The following EFS variants were observed in gnomAD, a reference collection of about 807,000 sequenced individuals.
EFS encodes the protein Cas scaffolding protein family member 3.
Under a neutral mutation model 42.2 loss-of-function variants are expected in EFS, and 34 were observed. The observed-to-expected ratio is 0.81, with a 90% CI of 0.61 to 1.07. The LOEUF (loss-of-function observed/expected upper bound fraction) is 1.07, where lower values mean the gene tolerates loss of function less well. Ranked by LOEUF, EFS falls within the 50% of genes least tolerant of loss-of-function variation. The pLI is 0.00. For synonymous variants in EFS, 299 were observed against 320.7 expected, an observed-to-expected ratio of 0.93 and a Z score of 0.72; for missense variants, 717 against 729.4, an observed-to-expected ratio of 0.98 and a Z score of 0.20.
In EFS at chr14:23,357,557, G is replaced by A. The variant is rs577948068; in HGVS notation, c.1355C>T (p.Ala452Val). The A allele has an allele frequency of 2.5e-6, 4 of 1,611,544 alleles. No individual in the cohort carries two copies. The highest frequency in any genetic ancestry group is 3.4e-6 in the Non-Finnish European group (4 of 1,178,280). ...QCQSHYSALQ[A>V]AVAALMSSTQ... ...ACTGGACATCAGGGCTGCCACGGCT[G>A]CCTGCAGGGCTGAGTAGTGGCTCTG... Residue 452 changes from alanine to valine, a missense_variant, in exon 6 of 6, where the codon GCA becomes GTA. By Grantham distance (64) the Ala-to-Val change is moderately conservative (BLOSUM62 0). Coordinates refer to ENST00000216733, the MANE Select transcript of EFS (RefSeq NM_005864.4).
chr14:23,359,595 G>C lies in EFS; in HGVS notation c.883C>G (p.Arg295Gly). ...ARSPPPPHRPRLPSAESLSRR... is the reference protein window; with the variant it reads ...ARSPPPPHRPGLPSAESLSRR... ...GACAGGCTCTCAGCTGAGGGGAGCC[G>C]GGGCCTGTGTGGGGGTGGGGGGCTT... The change falls in exon 4 of 6, where the codon CGG (arginine) becomes GGG (glycine). Residue 295 changes from arginine (R) to glycine (G), a missense_variant. By Grantham distance (125) the Arg-to-Gly change is moderately radical (BLOSUM62 -2). Coordinates refer to ENST00000216733, the MANE Select transcript of EFS (RefSeq NM_005864.4). 1 of 1,494,896 alleles carries C rather than the reference G, an allele frequency of 6.7e-7. No homozygotes were observed. Among genetic ancestry groups the C allele is most frequent in the Non-Finnish European group, 8.9e-7 (1 of 1,126,490 alleles). The allele number at this position is 1,494,896 out of a possible 1,614,324, so 92.6% of individuals were successfully genotyped here.
chr14:23,360,929 C>G (rs992596065), intron 1 of EFS, 96 bp from the exon 2 acceptor site: 2 of 1,302,222 alleles, frequency 1.5e-6, no homozygotes, highest in African/African-American at 3.1e-5. Context: ...GCATTTCCCT[C>G]AAGCTAAAAA....
At chr14:23,363,039 G>A (rs900716452) in intron 1 of EFS, among the ~76,000 whole-genome samples, 4 of 151,324 alleles carry the variant, frequency 2.6e-5, no homozygotes, top group African/African-American at 7.3e-5. Flanking sequence ...TCAGCCTCCC[G>A]AGTAGCTGGG....
At position 23,358,959 on chromosome 14, in the gene EFS, C is replaced by T; in HGVS notation, c.1168G>A (p.Asp390Asn). ...EYDYVHLKGM[D>N]KAQGSRPPDQ... is the part of the protein sequence containing the mutation. ...GGGGGCCTAGATCCCTGAGCTTTGT[C>T]CATGCCCTGCAGGAGGGGATCAGGT... The change falls in exon 5 of 6, where the codon GAC becomes AAC. Residue 390 changes from aspartate (D) to asparagine (N), a missense_variant. Physicochemically the swap from Asp to Asn is conservative, Grantham distance 23. Coordinates refer to ENST00000216733, the MANE Select transcript of EFS (RefSeq NM_005864.4). 6.2e-7 allele frequency: 1 copy of T among 1,610,908 alleles called. No individual in the cohort carries two copies. The highest frequency in any genetic ancestry group is 8.5e-7 in the Non-Finnish European group (1 of 1,178,494).
chr14:23,359,495 C>A lies in EFS; in HGVS notation c.983G>T (p.Arg328Leu). ...AGGCCGGTCCTGGATGCTGCCCTTC[C>A]GGCCTGGGGCAGGAGAGGGCACTGG... ...PSPVPSPAPG[R>L]KGSIQDRPLP... Residue 328 changes from arginine (R) to leucine (L), a missense_variant, in exon 4 of 6, where the codon CGG (arginine) becomes CTG (leucine). Transcript: ENST00000216733. The A allele has an allele frequency of 6.7e-7, 1 of 1,500,944 alleles. No homozygotes were observed. The highest frequency in any genetic ancestry group is 1.2e-5 in the South Asian group (1 of 83,242). 93.0% of individuals were successfully genotyped at this position (1,500,944 alleles called of 1,614,324 possible).
In EFS at chr14:23,359,944, C is replaced by T. The variant is rs115947674; in HGVS notation, c.534G>A (p.Pro178=). ...SFSHPLTRVA[P]QPPGEDDAPY... ...GAGCATCATCCTCTCCAGGGGGCTG[C>T]GGGGCAACCCGGGTCAGAGGGTGGG... The change falls in exon 4 of 6, where the codon CCG becomes CCA. Residue 178 remains proline (P), a synonymous_variant. Coordinates refer to ENST00000216733, the MANE Select transcript of EFS (RefSeq NM_005864.4). 3.8e-5 allele frequency: 60 copies of T among 1,562,594 alleles called. 1 individual carries two copies. In the Middle Eastern group the frequency reaches 5.2e-4, roughly 13 times the overall value.
chr14:23,358,012 C>A (rs1197167198), intron 5 of EFS, among the ~76,000 whole-genome samples: 1 of 151,188 alleles, frequency 6.6e-6, no homozygotes, highest in East Asian at 1.9e-4. Flanking sequence ...AAAAAAAAAA[C>A]AAAACCCTAA....
In EFS at chr14:23,365,056, G is replaced by A; in HGVS notation, c.-31C>T. ...TGGCCTCCCGCGCAGCCTGCCTCAG[G>A]CCAGGCTCGGTTTTGCTGACTTCAG... On this transcript the variant is annotated 5_prime_UTR_variant, in exon 1 of 6. Coordinates refer to ENST00000216733, the MANE Select transcript of EFS (RefSeq NM_005864.4). The surrounding 1 kb of genome is among the most constrained non-coding windows in gnomAD (Gnocchi z 5.3). 2.3e-6 allele frequency: 3 copies of A among 1,300,074 alleles called. No individual in the cohort carries two copies. Among genetic ancestry groups the A allele is most frequent in the Non-Finnish European group, 2.0e-6 (2 of 1,014,388 alleles). 80.5% of individuals were successfully genotyped at this position (1,300,074 alleles called of 1,614,324 possible). A position where few individuals can be genotyped will look rare whatever the true frequency, so the allele number is the denominator to read the frequency against.
At chr14:23,359,047 G>C (rs1385515783) in intron 4 of EFS, 82 bp from the exon 5 acceptor site, 1 of 1,312,610 alleles carries the variant, frequency 7.6e-7, no homozygotes, top group African/African-American at 1.5e-5. Context: ...CCCTTCCCCG[G>C]ACCCCCTTCC....
At position 23,359,661 on chromosome 14, in the gene EFS, C is replaced by G; in HGVS notation, c.817G>C (p.Ala273Pro). The G allele has an allele frequency of 6.6e-7, 1 of 1,509,060 alleles. No individual in the cohort carries two copies. Among genetic ancestry groups the G allele is most frequent in the Non-Finnish European group, 8.8e-7 (1 of 1,131,094 alleles). The allele number at this position is 1,509,060 out of a possible 1,614,324, so 93.5% of individuals were successfully genotyped here. The change falls in exon 4 of 6, where the codon GCC (alanine) becomes CCC (proline). Residue 273 changes from alanine (A) to proline (P), a missense_variant. By Grantham distance (27) the Ala-to-Pro change is conservative. Transcript: ENST00000216733. ...GCCAGGGTGTCCTGGTCATGGGAGG[C>G]CAAGGCTCCAGGGGGCTCTGGAGAA... ...PPSPEPPGAL[A>P]SHDQDTLAQL...
chr14:23,362,273 T>C (rs1890178462), intron 1 of EFS, among the ~76,000 whole-genome samples: 1 of 152,186 alleles, frequency 6.6e-6, no homozygotes, highest in Admixed American at 6.5e-5. Context: ...ACATGTAGTG[T>C]TGGAGAGCAG....
In EFS at chr14:23,359,475, G is replaced by T; in HGVS notation, c.1003C>A (p.Arg335=). 1 of 1,591,790 alleles carries T rather than the reference G, an allele frequency of 6.3e-7. No homozygotes were observed. The highest frequency in any genetic ancestry group is 1.1e-5 in the South Asian group (1 of 88,490). ...CGGGGTGGGGGTGGGGGCAGAGGCC[G>T]GTCCTGGATGCTGCCCTTCCGGCCT... ...APGRKGSIQD[R]PLPPPPPRLP... is the part of the protein sequence containing the mutation. The change falls in exon 4 of 6, where the codon CGG becomes AGG. Residue 335 remains arginine, a synonymous_variant. Transcript: ENST00000216733.
rs1190998633 is a variant in EFS, at chr14:23,358,911, G to T, written c.1216C>A (p.Pro406Thr). ...RPPDQACTGD[P>T]ELPERGMPAP... is the part of the protein sequence containing the mutation. ...GGCATCCCCCTCTCGGGCAGTTCAG[G>T]ATCCCCTGTGCAGGCCTGATCCGGG... Residue 406 changes from proline to threonine, a missense_variant, in exon 5 of 6, where the codon CCT (proline) becomes ACT (threonine). Transcript: ENST00000216733. The T allele has an allele frequency of 4.3e-6, 7 of 1,613,218 alleles. No homozygotes were observed. In the South Asian group the frequency reaches 6.6e-5, roughly 15 times the overall value.
At chr14:23,364,536 A>C (rs1481574740) in intron 1 of EFS, among the ~76,000 whole-genome samples, 1 of 151,160 alleles carries the variant, frequency 6.6e-6, no homozygotes, top group Admixed American at 6.6e-5. Context: ...CCTTTGCTCT[A>C]TCTCCCTTTT....
chr14:23,360,757 A>C lies in EFS; in HGVS notation c.95T>G (p.Leu32Arg). 6.2e-7 allele frequency: 1 copy of C among 1,614,050 alleles called. No individual in the cohort carries two copies. The highest frequency in any genetic ancestry group is 8.5e-7 in the Non-Finnish European group (1 of 1,179,988). ...AGCGCCCTCTCTCTGCAGGACCCGT[A>C]GGACATCCCCTCGGCGGAAGGACAG... ...QELSFRRGDVLRVLQREGAGG... is the reference protein window; with the variant it reads ...QELSFRRGDVRRVLQREGAGG... The change falls in exon 2 of 6, where the codon CTA becomes CGA. Residue 32 changes from leucine to arginine, a missense_variant. Leu to Arg is a moderately radical substitution (Grantham distance 102). Coordinates refer to ENST00000216733, the MANE Select transcript of EFS (RefSeq NM_005864.4).
At position 23,357,331 on chromosome 14, in the gene EFS, C is replaced by T. The variant is rs1330435357; in HGVS notation, c.1581G>A (p.Leu527=). The T allele has an allele frequency of 6.2e-7, 1 of 1,611,718 alleles. No homozygotes were observed. The highest frequency in any genetic ancestry group is 1.1e-5 in the South Asian group (1 of 90,942). The change falls in exon 6 of 6, where the codon CTG becomes CTA. Residue 527 remains leucine, a synonymous_variant. Coordinates refer to ENST00000216733, the MANE Select transcript of EFS (RefSeq NM_005864.4). ...ATVLAVKGAA[L]GYPSSPAIQE... ...GGATGGCAGGGCTGGATGGGTAGCC[C>T]AGGGCAGCTCCCTTGACAGCCAGCA...
rs1198516728 is a variant in EFS at position 23,359,361 on chromosome 14, C to T, written c.1117G>A (p.Glu373Lys). ...DDPAGHHNEYEGIPMAEEYDY... is the reference protein window; with the variant it reads ...DDPAGHHNEYKGIPMAEEYDY... ...TACTCCTCGGCCATCGGAATGCCCT[C>T]GTACTCATTGTGGTGTCCTGCTGGG... The change falls in exon 4 of 6, where the codon GAG becomes AAG. Residue 373 changes from glutamate to lysine, a missense_variant. Coordinates refer to ENST00000216733, the MANE Select transcript of EFS (RefSeq NM_005864.4). The T allele has an allele frequency of 9.3e-6, 15 of 1,613,006 alleles. No homozygotes were observed. Among genetic ancestry groups the T allele is most frequent in the Admixed American group, 3.3e-5 (2 of 59,994 alleles).
rs140146247 is a variant in EFS, at chr14:23,364,595, TCGTTTTC to T, written c.18+406_18+412del. Among the ~76,000 whole-genome samples the T allele has an allele frequency of 2.7e-3, 415 of 152,212 alleles. 1 individual carries two copies. Among genetic ancestry groups the T allele is most frequent in the African/African-American group, 9.1e-3 (380 of 41,534 alleles). On this transcript the variant is annotated intron_variant, in intron 1 of 5. Transcript: ENST00000216733. ...GGGCCTCCTGGGGTCGTTCAGCCTCTCGTTTTCCGTTTTCCGTGAGCCACTAGGTCCT... is the reference window on the plus strand; with the variant it reads ...GGGCCTCCTGGGGTCGTTCAGCCTCTCGTTTTCCGTGAGCCACTAGGTCCT...
intron 4 of EFS, 124 bp from the exon 5 acceptor site, chr14:23,359,089 T>C: frequency 1.8e-6 from 2 of 1,134,220 alleles, no homozygotes; most frequent in Non-Finnish European, 2.5e-6. Context: ...TCAGAGGTTG[T>C]AGTCCCTTGA....
Sources: gnomAD v4.1 joint callset for allele counts (sites outside exome capture counted in the v4.1 genomes callset) on GRCh38, gnomAD v4.1.1 for gene constraint, Gnocchi (gnomAD v3.1) non-coding constraint, MANE v1.5 for transcripts, NCBI Gene and HGNC (gene_info 2026-07-23, HGNC 2026-07-21) for gene names.